Variants in EPHB1 observed in about 807,000 individuals in gnomAD.
EPHB1 encodes the protein ephrin type-B receptor 1.
Under a neutral mutation model 94.4 loss-of-function variants are expected in EPHB1, and 30 were observed. That is an observed-to-expected ratio of 0.32 (90% CI 0.24 to 0.43). The LOEUF (loss-of-function observed/expected upper bound fraction) is 0.43, where lower values mean the gene tolerates loss of function less well. Among genes scored for constraint, EPHB1 ranks in the 20% least tolerant of loss-of-function variants. The probability of loss-of-function intolerance (pLI) is 1.00; values close to 1 mark genes in which losing one functional copy is unlikely to be tolerated. For missense variants in EPHB1, 1,055 were observed against 1,308.3 expected, an observed-to-expected ratio of 0.81 and a Z score of 2.99; for synonymous variants, 522 against 489.1, an observed-to-expected ratio of 1.07 and a Z score of -0.89.
At chr3:134,909,169 A>G (rs1219686531) in intron 1 of EPHB1, among the ~76,000 whole-genome samples, 1 of 151,456 alleles carries the variant, frequency 6.6e-6, no homozygotes, top group Non-Finnish European at 1.5e-5. Context: ...TGGCTAGGAA[A>G]CAGAATGCTC....
chr3:134,918,562 G>C (rs2038616550), intron 1 of EPHB1, among the ~76,000 whole-genome samples: 1 of 152,208 alleles, frequency 6.6e-6, no homozygotes, highest in Non-Finnish European at 1.5e-5. Context: ...CCCAGCAGCT[G>C]TTCCATCTTG....
intron 2 of EPHB1, among the ~76,000 whole-genome samples, chr3:134,943,542 T>C (rs2107710892): frequency 6.6e-6 from 1 of 152,264 alleles, no homozygotes; most frequent in South Asian, 2.1e-4. Flanking sequence ...GGAGCATTTT[T>C]GGCCTTTTGA....
intron 1 of EPHB1, among the ~76,000 whole-genome samples, chr3:134,852,196 A>G (rs903751098): frequency 1.3e-5 from 2 of 151,978 alleles, no homozygotes; most frequent in African/African-American, 4.8e-5. Flanking sequence ...GTCTGCCTCA[A>G]TGTCCCCTCC....
intron 1 of EPHB1, among the ~76,000 whole-genome samples, chr3:134,837,237 T>A (rs932239837): frequency 6.6e-6 from 1 of 152,366 alleles, no homozygotes; most frequent in East Asian, 1.9e-4. Context: ...AATAATCTAA[T>A]CTTTTAAGCA....
intron 3 of EPHB1, among the ~76,000 whole-genome samples, chr3:135,102,172 T>A (rs956497056): frequency 6.6e-6 from 1 of 152,216 alleles, no homozygotes; most frequent in Non-Finnish European, 1.5e-5. Context: ...CTGAAATGTG[T>A]TTGGTTAGGC....
At chr3:135,148,341 A>C (rs1941082644) in intron 5 of EPHB1, among the ~76,000 whole-genome samples, 2 of 152,270 alleles carry the variant, frequency 1.3e-5, no homozygotes, top group South Asian at 2.1e-4. Context: ...TGCTTGGCCC[A>C]CGTGAACCTG....
In EPHB1 at chr3:134,795,708, A is replaced by C; in HGVS notation, c.58+19A>C. 2 of 1,608,076 alleles carry C rather than the reference A, an allele frequency of 1.2e-6. No homozygotes were observed. Among genetic ancestry groups the C allele is most frequent in the Non-Finnish European group, 1.7e-6 (2 of 1,177,630 alleles). ...ATGGAAGGTAACGTACCCTCCACGG[A>C]GCAAGTTGGCTGCTGGTGCCGGCCG... On this transcript the variant is annotated intron_variant, in intron 1 of 15. Transcript: ENST00000398015.
rs189648958 is a variant in EPHB1, at chr3:135,123,851, C to T, written c.962-8863C>T. ...CTGCTGATGTCATTCTGGCCCAAGCCACCATCACCTCTCCCCTAGATGACT... is the reference window on the plus strand; with the variant it reads ...CTGCTGATGTCATTCTGGCCCAAGCTACCATCACCTCTCCCCTAGATGACT... On this transcript the variant is annotated intron_variant, in intron 4 of 15. Transcript: ENST00000398015. Among the ~76,000 whole-genome samples the T allele has an allele frequency of 4.2e-4, 64 of 151,800 alleles. 2 individuals carry two copies. In the East Asian group the frequency reaches 0.012, roughly 28 times the overall value.
chr3:135,151,018 C>G (rs1941175093), intron 5 of EPHB1, among the ~76,000 whole-genome samples: 2 of 152,192 alleles, frequency 1.3e-5, no homozygotes, highest in African/African-American at 4.8e-5. Flanking sequence ...CTTCCACATC[C>G]CATATTCATG....
chr3:135,175,369 C>T (rs1185444530), intron 9 of EPHB1, among the ~76,000 whole-genome samples: 1 of 152,136 alleles, frequency 6.6e-6, no homozygotes, highest in African/African-American at 2.4e-5. Context: ...ATCATTTCTC[C>T]CCAAACCTAA....
At chr3:134,890,169 G>A (rs1289008439) in intron 1 of EPHB1, among the ~76,000 whole-genome samples, 1 of 152,086 alleles carries the variant, frequency 6.6e-6, no homozygotes, top group Non-Finnish European at 1.5e-5. Context: ...TTGACGTTTT[G>A]TATTTCCATG....
intron 3 of EPHB1, among the ~76,000 whole-genome samples, chr3:135,013,029 T>C (rs1935672670): frequency 1.3e-5 from 2 of 152,168 alleles, no homozygotes; most frequent in Non-Finnish European, 2.9e-5. Flanking sequence ...TGAGACATCA[T>C]AATAGATGTG....
intron 1 of EPHB1, among the ~76,000 whole-genome samples, chr3:134,823,334 C>G (rs2036417108): frequency 6.6e-6 from 1 of 152,148 alleles, no homozygotes; most frequent in South Asian, 2.1e-4. Flanking sequence ...AGGGAGGTGA[C>G]AATGAGGGGA....
intron 1 of EPHB1, among the ~76,000 whole-genome samples, chr3:134,873,675 G>A (rs576673622): frequency 4.1e-4 from 63 of 152,320 alleles, no homozygotes; most frequent in African/African-American, 1.4e-3. Context: ...GGGTTTGCAC[G>A]GTAGTGCCAT....
chr3:135,041,205 T>A (rs1297312546), intron 3 of EPHB1, among the ~76,000 whole-genome samples: 1 of 152,176 alleles, frequency 6.6e-6, no homozygotes, highest in African/African-American at 2.4e-5. Context: ...TATTCTATTT[T>A]CTCTCTTCTT....
intron 3 of EPHB1, among the ~76,000 whole-genome samples, chr3:135,008,914 A>T (rs905825185): frequency 9.9e-5 from 15 of 152,210 alleles, no homozygotes; most frequent in African/African-American, 3.6e-4. Context: ...AACACAACTC[A>T]CATGTCTGGG....
In EPHB1 at chr3:135,015,331, C is replaced by T. The variant is rs141349441; in HGVS notation, c.805+63279C>T. Among the ~76,000 whole-genome samples, 815 of 152,032 alleles carry T rather than the reference C, an allele frequency of 5.4e-3. 7 individuals carry two copies. Among genetic ancestry groups the T allele is most frequent in the African/African-American group, 0.019 (771 of 41,424 alleles). The stretch of plus-strand genomic sequence containing the variant: ...TCTCGGCTCACTGCAACCTCTACCT[C>T]CTGGGTTCAAGCGATTCTCCTGCCT... On this transcript the variant is annotated intron_variant, in intron 3 of 15. Transcript: ENST00000398015.
At chr3:134,848,754 G>T (rs1002349400) in intron 1 of EPHB1, among the ~76,000 whole-genome samples, 3 of 152,196 alleles carry the variant, frequency 2.0e-5, no homozygotes, top group Non-Finnish European at 4.4e-5. Context: ...CTCAGGGAGG[G>T]GATCCGGTAG....
At chr3:134,815,207 T>C (rs1462738621) in intron 1 of EPHB1, among the ~76,000 whole-genome samples, 1 of 152,160 alleles carries the variant, frequency 6.6e-6, no homozygotes, top group Non-Finnish European at 1.5e-5. Context: ...TAGATGAAAG[T>C]ATTATAACAA....
Sources: gnomAD v4.1 joint callset for allele counts (sites outside exome capture counted in the v4.1 genomes callset) on GRCh38, gnomAD v4.1.1 for gene constraint, MANE v1.5 for transcripts, NCBI Gene and HGNC (gene_info 2026-07-23, HGNC 2026-07-21) for gene names.